Variants in PIK3CB observed in about 807,000 individuals in gnomAD.
PIK3CB encodes phosphatidylinositol 4,5-bisphosphate 3-kinase catalytic subunit beta isoform.
Under a neutral mutation model 136.8 loss-of-function variants are expected in PIK3CB, and 39 were observed. The observed-to-expected ratio is 0.29, with a 90% confidence interval of 0.22 to 0.37. The LOEUF (loss-of-function observed/expected upper bound fraction) is 0.37, where lower values mean the gene tolerates loss of function less well. Among genes scored for constraint, PIK3CB ranks in the 10% least tolerant of loss-of-function variants. The pLI is 1.00. For synonymous variants in PIK3CB, 428 were observed against 436.6 expected (o/e 0.98, Z 0.25); for missense variants, 868 against 1,275.4 (o/e 0.68, Z 4.87).
chr3:138,832,385 T>A (rs1934074192), intron 1 of PIK3CB, among the ~76,000 whole-genome samples: 1 of 152,116 alleles, frequency 6.6e-6, no homozygotes, highest in African/African-American at 2.4e-5. Context: ...CAATTCCAGT[T>A]TAAACCTTTA....
At chr3:138,709,348 G>C (rs1456439564) in intron 10 of PIK3CB, among the ~76,000 whole-genome samples, 2 of 151,198 alleles carry the variant, frequency 1.3e-5, no homozygotes, top group African/African-American at 4.9e-5. Context: ...TCTCTACATA[G>C]ATACGTAGAG....
intron 4 of PIK3CB, among the ~76,000 whole-genome samples, chr3:138,754,763 T>C (rs553025639): frequency 6.6e-6 from 1 of 152,326 alleles, no homozygotes; most frequent in South Asian, 2.1e-4. Context: ...AGGGTTAAGA[T>C]CAAAGAATAG....
chr3:138,809,423 T>C (rs919827803), intron 1 of PIK3CB, among the ~76,000 whole-genome samples: 4 of 151,594 alleles, frequency 2.6e-5, no homozygotes, highest in African/African-American at 9.7e-5. Flanking sequence ...CTGGCCAACA[T>C]GGTGAAACCC....
At position 138,653,290 on chromosome 3, in the gene PIK3CB, T is replaced by C. The variant is rs147636379; in HGVS notation, c.*2099A>G. The C allele has an allele frequency of 5.7e-6, 1 of 176,724 alleles. No individual in the cohort carries two copies. Among genetic ancestry groups the C allele is most frequent in the East Asian group, 9.7e-5 (1 of 10,352 alleles). 10.9% of individuals were successfully genotyped at this position (176,724 alleles called of 1,614,324 possible). A position where few individuals can be genotyped will look rare whatever the true frequency, so the allele number is the denominator to read the frequency against. On this transcript the variant is annotated 3_prime_UTR_variant, in exon 24 of 24. Coordinates refer to ENST00000674063, the MANE Select transcript of PIK3CB (RefSeq NM_006219.3). ...AAGAGCACAGATAATTAAAATAGGC[T>C]TCTTACTTTCTGGGTTTGAATACTG...
At chr3:138,716,753 G>C (rs1199637745) in intron 8 of PIK3CB, among the ~76,000 whole-genome samples, 5 of 151,558 alleles carry the variant, frequency 3.3e-5, no homozygotes, top group Non-Finnish European at 7.4e-5. Flanking sequence ...AAAATTAGCT[G>C]GGTGTGGTGG....
At chr3:138,751,274 C>A (rs969278800) in intron 4 of PIK3CB, among the ~76,000 whole-genome samples, 1 of 151,920 alleles carries the variant, frequency 6.6e-6, no homozygotes, top group Non-Finnish European at 1.5e-5. Flanking sequence ...CTGGCTAACA[C>A]AGTGAAACCC....
At chr3:138,830,331 C>G (rs531846925) in intron 1 of PIK3CB, among the ~76,000 whole-genome samples, 44 of 152,192 alleles carry the variant, frequency 2.9e-4, no homozygotes, top group African/African-American at 9.6e-4. Context: ...GGGCGGATCA[C>G]CTGAGGTTAG....
intron 9 of PIK3CB, 33 bp downstream of exon 9, chr3:138,714,435 T>C (rs1295301506): frequency 1.4e-6 from 2 of 1,472,920 alleles, no homozygotes; most frequent in East Asian, 2.3e-5. Flanking sequence ...TTCCGTTATA[T>C]AAAACAATCC....
At chr3:138,681,877 GAAC>G (rs1260731756) in intron 19 of PIK3CB, 87 bp downstream of exon 19, 5 of 706,394 alleles carry the variant, frequency 7.1e-6, no homozygotes, top group African/African-American at 1.9e-5. Flanking sequence ...CTAAAAATAA[GAAC>G]AAGAGGGAAG....
At chr3:138,722,705 A>C (rs1003932853) in intron 8 of PIK3CB, among the ~76,000 whole-genome samples, 142 of 151,728 alleles carry the variant, frequency 9.4e-4, no homozygotes, top group Non-Finnish European at 1.6e-3. Flanking sequence ...AAAAAAAAAA[A>C]CCCAAAAAAC....
chr3:138,694,691 C>A, intron 14 of PIK3CB, 95 bp downstream of exon 14: 2 of 1,260,552 alleles, frequency 1.6e-6, no homozygotes, highest in Non-Finnish European at 2.2e-6. Context: ...TAATTCTGAG[C>A]CCTTTTCTTT....
intron 1 of PIK3CB, among the ~76,000 whole-genome samples, chr3:138,807,767 CT>C (rs2046250414): frequency 6.6e-6 from 1 of 151,964 alleles, no homozygotes; most frequent in Non-Finnish European, 1.5e-5. Flanking sequence ...GGTGGTGGCA[CT>C]TATAGTCCCA....
intron 5 of PIK3CB, among the ~76,000 whole-genome samples, chr3:138,741,092 C>T (rs983082428): frequency 9.9e-5 from 15 of 152,188 alleles, no homozygotes; most frequent in African/African-American, 2.4e-4. Context: ...TTAGACTCAA[C>T]GTATCTCAGG....
intron 9 of PIK3CB, among the ~76,000 whole-genome samples, chr3:138,712,893 G>T (rs2044534151): frequency 6.6e-6 from 1 of 151,940 alleles, no homozygotes; most frequent in African/African-American, 2.4e-5. Flanking sequence ...AATAATCCAA[G>T]AAAACACGTA....
At chr3:138,751,287 T>A (rs1416794596) in intron 4 of PIK3CB, among the ~76,000 whole-genome samples, 1 of 151,892 alleles carries the variant, frequency 6.6e-6, no homozygotes, top group African/African-American at 2.4e-5. Context: ...TGAAACCCCA[T>A]CTCTACTAGA....
rs566176268 is a variant in PIK3CB at position 138,832,780 on chromosome 3, A to C, written c.-122+1915T>G. Among the ~76,000 whole-genome samples the C allele has an allele frequency of 2.1e-5, 3 of 141,860 alleles. No individual in the cohort carries two copies. The East Asian group carries it at 6.7e-4, about 32-fold the overall frequency. The allele number at this position is 141,860 out of a possible 152,430, so 93.1% of individuals were successfully genotyped here. A position where few individuals can be genotyped will look rare whatever the true frequency, so the allele number is the denominator to read the frequency against. The stretch of plus-strand genomic sequence containing the variant: ...GGAGGCGGAGGTTGCGGTGAGCTGG[A>C]GATCGCGTCATTGCACTCCAGCCTG... On this transcript the variant is annotated intron_variant, in intron 1 of 23. Transcript: ENST00000674063.
chr3:138,823,799 T>C (rs1933666286), intron 1 of PIK3CB, among the ~76,000 whole-genome samples: 1 of 152,248 alleles, frequency 6.6e-6, no homozygotes, highest in African/African-American at 2.4e-5. Context: ...GTTATAATTC[T>C]GATCATCTGA....
intron 1 of PIK3CB, among the ~76,000 whole-genome samples, chr3:138,812,769 T>G (rs950512689): frequency 6.6e-6 from 1 of 152,178 alleles, no homozygotes; most frequent in African/African-American, 2.4e-5. Flanking sequence ...CATCAGGTGA[T>G]CCACCCACCT....
At chr3:138,676,762 G>T (rs2043652975) in intron 19 of PIK3CB, among the ~76,000 whole-genome samples, 1 of 152,002 alleles carries the variant, frequency 6.6e-6, no homozygotes. Context: ...CCCATATTGT[G>T]TTTCCATTTA....
Sources: allele counts gnomAD v4.1 joint callset (sites outside exome capture counted in the v4.1 genomes callset), GRCh38; gene constraint gnomAD v4.1.1; transcripts MANE v1.5; gene names NCBI Gene and HGNC (gene_info 2026-07-23, HGNC 2026-07-21).